TMEFF2: variants seen among roughly 807,000 people sequenced by gnomAD.
The protein encoded by TMEFF2 is tomoregulin-2.
Under a neutral mutation model 53.8 loss-of-function variants are expected in TMEFF2, and 28 were observed. The observed-to-expected ratio is 0.52, with a 90% CI of 0.39 to 0.71. TMEFF2 has a LOEUF of 0.71. Among genes scored for constraint, TMEFF2 ranks in the 30% least tolerant of loss-of-function variants. TMEFF2 has a pLI of 0.00. For missense variants in TMEFF2, 353 were observed against 455.2 expected (o/e 0.78, Z 2.04); for synonymous variants, 162 against 166.3 (o/e 0.97, Z 0.20).
intron 4 of TMEFF2, among the ~76,000 whole-genome samples, chr2:192,166,532 A>G (rs931044814): frequency 9.2e-5 from 14 of 152,202 alleles, no homozygotes; most frequent in African/African-American, 3.4e-4. Flanking sequence ...AGAAAGGAGA[A>G]ATATTTCAAA....
chr2:191,960,723 C>T (rs1692247049), intron 7 of TMEFF2, among the ~76,000 whole-genome samples: 1 of 152,092 alleles, frequency 6.6e-6, no homozygotes, highest in African/African-American at 2.4e-5. Context: ...TTGAAAAGAT[C>T]CTAAACTAGA....
intron 7 of TMEFF2, among the ~76,000 whole-genome samples, chr2:191,979,857 G>GATCTATCTATCTATCTATCTATCT (rs535953153): frequency 2.9e-4 from 43 of 150,724 alleles, no homozygotes; most frequent in African/African-American, 1.0e-3. Flanking sequence ...TCTATCTATC[G>GATCTATCTATCTATCTATCTATCT]ATCTATCTAT....
At chr2:192,165,693 G>A (rs1367135629) in intron 4 of TMEFF2, among the ~76,000 whole-genome samples, 1 of 151,162 alleles carries the variant, frequency 6.6e-6, no homozygotes, top group Non-Finnish European at 1.5e-5. Context: ...TAACCCCAGG[G>A]AACAGTAGGC....
At chr2:191,986,859 G>GAAAA (rs35061261) in intron 7 of TMEFF2, among the ~76,000 whole-genome samples, 2 of 76,536 alleles carry the variant, frequency 2.6e-5, no homozygotes, top group African/African-American at 4.6e-5. Flanking sequence ...CTCCGTCTCA[G>GAAAA]AAAAAAAAAA....
At chr2:192,181,684 G>A (rs766494848) in intron 3 of TMEFF2, among the ~76,000 whole-genome samples, 30 of 151,636 alleles carry the variant, frequency 2.0e-4, no homozygotes, top group Non-Finnish European at 3.7e-4. Context: ...ATTCATCTAC[G>A]AGTATTCTAA....
chr2:192,129,420 T>A (rs1014002197), intron 4 of TMEFF2, among the ~76,000 whole-genome samples: 1 of 150,934 alleles, frequency 6.6e-6, no homozygotes. Flanking sequence ...CTGACCATGA[T>A]GTACATAGTT....
At chr2:192,062,171 C>CT (rs1437896694) in intron 4 of TMEFF2, among the ~76,000 whole-genome samples, 1 of 152,048 alleles carries the variant, frequency 6.6e-6, no homozygotes, top group Non-Finnish European at 1.5e-5. Context: ...TACCACTACC[C>CT]TGTCTATATA....
intron 4 of TMEFF2, among the ~76,000 whole-genome samples, chr2:192,106,004 A>G (rs191509228): frequency 3.0e-4 from 45 of 150,486 alleles, no homozygotes; most frequent in South Asian, 8.3e-4. Flanking sequence ...AACAATACAC[A>G]TATGTCTTGG....
chr2:191,991,640 G>A (rs1686110226), intron 7 of TMEFF2, among the ~76,000 whole-genome samples: 3 of 152,022 alleles, frequency 2.0e-5, no homozygotes, highest in South Asian at 4.2e-4. Flanking sequence ...GGTTACAACC[G>A]CTAAACCAGC....
At chr2:191,995,882 A>G (rs1686210586) in intron 7 of TMEFF2, among the ~76,000 whole-genome samples, 1 of 151,934 alleles carries the variant, frequency 6.6e-6, no homozygotes, top group Non-Finnish European at 1.5e-5. Flanking sequence ...TTTATCTTAA[A>G]AGTTTTTCTT....
chr2:192,127,013 A>G (rs1203710497), intron 4 of TMEFF2, among the ~76,000 whole-genome samples: 2 of 152,214 alleles, frequency 1.3e-5, no homozygotes, highest in Admixed American at 6.5e-5. Context: ...ATGTGCCAAT[A>G]TAAGAACAGT....
chr2:192,107,141 T>C (rs1056095803), intron 4 of TMEFF2, among the ~76,000 whole-genome samples: 1 of 151,848 alleles, frequency 6.6e-6, no homozygotes, highest in African/African-American at 2.4e-5. Flanking sequence ...GTTTGTACTT[T>C]ATTCTCTATT....
At chr2:192,015,027 C>T (rs1297962700) in intron 5 of TMEFF2, among the ~76,000 whole-genome samples, 3 of 152,122 alleles carry the variant, frequency 2.0e-5, no homozygotes, top group Non-Finnish European at 4.4e-5. Context: ...AACTGCAAAG[C>T]GGATAATACC....
intron 7 of TMEFF2, among the ~76,000 whole-genome samples, chr2:191,958,121 C>T (rs1692161484): frequency 6.6e-6 from 1 of 152,186 alleles, no homozygotes; most frequent in South Asian, 2.1e-4. Flanking sequence ...AGGCTGTGTT[C>T]ATTCTGTGCC....
chr2:192,002,071 C>T (rs1224193164), intron 5 of TMEFF2, among the ~76,000 whole-genome samples: 41 of 152,224 alleles, frequency 2.7e-4, no homozygotes, highest in Non-Finnish European at 1.0e-4. Flanking sequence ...TTTGGTCCCA[C>T]AGCTTTTCTG....
chr2:192,008,395 ATTCT>A (rs1686551472), intron 5 of TMEFF2, among the ~76,000 whole-genome samples: 1 of 152,186 alleles, frequency 6.6e-6, no homozygotes, highest in Non-Finnish European at 1.5e-5. Flanking sequence ...CCTCAGGATT[ATTCT>A]TTCTTTTTAG....
intron 7 of TMEFF2, among the ~76,000 whole-genome samples, chr2:191,978,963 G>T (rs1212648264): frequency 2.0e-5 from 3 of 152,160 alleles, no homozygotes; most frequent in Non-Finnish European, 2.9e-5. Context: ...ACTCCTCCAG[G>T]AGCTGGGAGA....
intron 7 of TMEFF2, among the ~76,000 whole-genome samples, chr2:191,964,672 C>A (rs1034664670): frequency 6.6e-6 from 1 of 151,962 alleles, no homozygotes; most frequent in African/African-American, 2.4e-5. Context: ...TTCCTTTATT[C>A]CATTTACAGT....
intron 7 of TMEFF2, among the ~76,000 whole-genome samples, chr2:191,962,453 T>G (rs1355682913): frequency 6.6e-6 from 1 of 152,232 alleles, no homozygotes; most frequent in Non-Finnish European, 1.5e-5. Flanking sequence ...GATGACATGA[T>G]TCAGGGATTG....
Sources: allele counts gnomAD v4.1 joint callset (sites outside exome capture counted in the v4.1 genomes callset), GRCh38; gene constraint gnomAD v4.1.1; transcripts MANE v1.5; gene names NCBI Gene and HGNC (gene_info 2026-07-23, HGNC 2026-07-21).